The following SMAD7 variants were observed in gnomAD, a reference collection of about 807,000 sequenced individuals.
SMAD7 encodes the protein MAD (mothers against decapentaplegic, Drosophila) homolog 7.
In SMAD7, 8 loss-of-function variants were observed where a neutral mutation model predicts 38.7. The ratio of observed to expected loss-of-function variants is 0.21; its 90% CI spans 0.12 to 0.37. The LOEUF (loss-of-function observed/expected upper bound fraction) is 0.37, where lower values mean the gene tolerates loss of function less well. SMAD7 is among the 10% of genes least tolerant of loss of function. The pLI is 1.00. For missense variants in SMAD7, 477 were observed against 577.9 expected (o/e 0.83, Z 1.79); for synonymous variants, 327 against 265.1 (o/e 1.23, Z -2.27).
In SMAD7 at chr18:48,950,623, C is replaced by T. The variant is rs1186335222; in HGVS notation, c.-199G>A. 4.1e-6 allele frequency: 1 copy of T among 245,810 alleles called. No individual in the cohort carries two copies. The highest frequency in any genetic ancestry group is 1.6e-4 in the South Asian group (1 of 6,400). 15.2% of individuals were successfully genotyped at this position (245,810 alleles called of 1,614,324 possible). On this transcript the variant is annotated 5_prime_UTR_variant, in exon 1 of 4. Coordinates refer to ENST00000262158, the MANE Select transcript of SMAD7 (RefSeq NM_005904.4). ...CCAGTCTCCCGGAGGCCGGGGCGCG[C>T]GCGGGGGCCCGGGGGCGCCCGCCGG...
chr18:48,930,373 C>T (rs2069983354), intron 3 of SMAD7, among the ~76,000 whole-genome samples: 1 of 152,116 alleles, frequency 6.6e-6, no homozygotes, highest in Admixed American at 6.5e-5. Flanking sequence ...CTGGCGGGTC[C>T]TCCCACTCCT....
chr18:48,924,566 T>C (rs1330257891), intron 3 of SMAD7, among the ~76,000 whole-genome samples: 5 of 152,174 alleles, frequency 3.3e-5, no homozygotes, highest in African/African-American at 9.7e-5. Flanking sequence ...GAAAAAGCAT[T>C]TTTCTGCTGA....
intron 3 of SMAD7, among the ~76,000 whole-genome samples, chr18:48,926,291 C>G (rs2069927670): frequency 6.6e-6 from 1 of 152,026 alleles, no homozygotes; most frequent in African/African-American, 2.4e-5. Flanking sequence ...GAGGGGGTCC[C>G]CCAAGATTCC....
chr18:48,927,858 T>A (rs1187192593), intron 3 of SMAD7, among the ~76,000 whole-genome samples: 2 of 152,194 alleles, frequency 1.3e-5, no homozygotes, highest in African/African-American at 4.8e-5. Context: ...GACAACCCTC[T>A]GAGGCTGCAT....
chr18:48,950,162 G>C lies in SMAD7; in HGVS notation c.263C>G (p.Ala88Gly), dbSNP rs1050965436. ...CGTGAGCGCCTTCAGATCCGCCTCGGCGCCCCCGGCCGCGCCGGCGCCCGC... is the reference window on the plus strand; with the variant it reads ...CGTGAGCGCCTTCAGATCCGCCTCGCCGCCCCCGGCCGCGCCGGCGCCCGC... ...PAAGAGAAGGAEADLKALTHS... is the reference protein window; with the variant it reads ...PAAGAGAAGGGEADLKALTHS... Residue 88 changes from alanine (A) to glycine (G), a missense_variant, in exon 1 of 4, where the codon GCC becomes GGC. Around this residue, in one of 2 missense-constraint regions of SMAD7, gnomAD observed 376 missense variants for 379.4 expected, o/e 0.99. Transcript: ENST00000262158. 10 of 1,488,382 alleles carry C rather than the reference G, an allele frequency of 6.7e-6. No individual in the cohort carries two copies. The highest frequency in any genetic ancestry group is 1.3e-5 in the South Asian group (1 of 78,504). The allele number at this position is 1,488,382 out of a possible 1,614,324, so 92.2% of individuals were successfully genotyped here.
chr18:48,921,106 C>G lies in SMAD7; in HGVS notation c.*266G>C, dbSNP rs2069852676. ...TTTGGTGGTGCTTGGATTTCTGCTT[C>G]CCCTCTTCCTATCAGGGTGTCCTGC... On this transcript the variant is annotated 3_prime_UTR_variant, in exon 4 of 4. Transcript: ENST00000262158. This position sits in a 1 kb window ranked among gnomAD's most constrained non-coding sequence, Gnocchi z 6.4. 1 of 480,188 alleles carries G rather than the reference C, an allele frequency of 2.1e-6. No homozygotes were observed. The highest frequency in any genetic ancestry group is 3.8e-5 in the Admixed American group (1 of 26,546). The allele number at this position is 480,188 out of a possible 1,614,324, so 29.7% of individuals were successfully genotyped here.
Position 48,932,636 on chromosome 18 carries a change from C to CG in SMAD7, c.742+9844dup, listed in dbSNP as rs540884168. Among the ~76,000 whole-genome samples, 222 of 152,174 alleles carry CG rather than the reference C, an allele frequency of 1.5e-3. 1 individual carries two copies. Among genetic ancestry groups the CG allele is most frequent in the Non-Finnish European group, 1.9e-3 (129 of 67,994 alleles). Reference sequence around the variant, plus strand: ...GAGCTTGGAAGCCATCGGTTGGCCCCGGGGGAACAGACAGAGAAGGATGAA... The same window carrying CG: ...GAGCTTGGAAGCCATCGGTTGGCCCCGGGGGGAACAGACAGAGAAGGATGAA... On this transcript the variant is annotated intron_variant, in intron 3 of 3. Coordinates refer to ENST00000262158, the MANE Select transcript of SMAD7 (RefSeq NM_005904.4).
chr18:48,942,531 G>A lies in SMAD7; in HGVS notation c.692C>T (p.Ser231Phe). The stretch of plus-strand genomic sequence containing the variant: ...ATTCGTTCCCCCTGTTTCAGCGGAG[G>A]AAGGCACAGCATCTGGACAGTCTGC... The part of the protein sequence containing the change: ...PTADCPDAVP[S>F]SAETGGTNYL... Residue 231 changes from serine to phenylalanine, a missense_variant, in exon 3 of 4, where the codon TCC becomes TTC. This residue lies in a region of SMAD7 where 376 missense variants were observed against 379.4 expected (regional missense o/e 0.99). Transcript: ENST00000262158. 6.2e-7 allele frequency: 1 copy of A among 1,610,684 alleles called. No homozygotes were observed. The highest frequency in any genetic ancestry group is 8.5e-7 in the Non-Finnish European group (1 of 1,178,608).
chr18:48,940,759 G>A (rs1020778351), intron 3 of SMAD7, among the ~76,000 whole-genome samples: 6 of 148,588 alleles, frequency 4.0e-5, no homozygotes, highest in Middle Eastern at 3.8e-3. Context: ...TGTGTGAGCC[G>A]AAATCGCGCC....
chr18:48,942,667 G>A (rs2070155375), intron 2 of SMAD7, 112 bp from the exon 3 acceptor site: 1 of 1,583,176 alleles, frequency 6.3e-7, no homozygotes, highest in Non-Finnish European at 8.5e-7. Context: ...ATTCCAAAAG[G>A]CTGACTCGCG....
rs762235293 is a variant in SMAD7, at chr18:48,921,810, C to A, written c.843G>T (p.Glu281Asp). The change falls in exon 4 of 4, where the codon GAG becomes GAT. Residue 281 changes from glutamate to aspartate, a missense_variant. Glu to Asp is a conservative substitution (Grantham distance 45). This residue lies in a region of SMAD7 where 101 missense variants were observed against 198.5 expected (regional missense o/e 0.51). Coordinates refer to ENST00000262158, the MANE Select transcript of SMAD7 (RefSeq NM_005904.4). This position sits in a 1 kb window ranked among gnomAD's most constrained non-coding sequence, Gnocchi z 6.4. ...GATCATAGAAGATATCCAGAGAGGG[C>A]TCCTGGACACAGTAGAGCCTCCCCA... ...TRVGRLYCVQ[E>D]PSLDIFYDLP... 1.9e-6 allele frequency: 3 copies of A among 1,613,902 alleles called. No individual in the cohort carries two copies. Among genetic ancestry groups the A allele is most frequent in the Admixed American group, 3.3e-5 (2 of 60,036 alleles).
intron 3 of SMAD7, among the ~76,000 whole-genome samples, chr18:48,934,611 A>C (rs1038400231): frequency 1.4e-4 from 21 of 152,258 alleles, no homozygotes; most frequent in African/African-American, 4.3e-4. Flanking sequence ...AAAGTCATGA[A>C]AGATTCTTTA....
At chr18:48,937,264 A>ATATGTGTGTG (rs547137464) in intron 3 of SMAD7, among the ~76,000 whole-genome samples, 21 of 119,776 alleles carry the variant, frequency 1.8e-4, no homozygotes, top group Admixed American at 1.5e-3. Flanking sequence ...AAGTAAAGGC[A>ATATGTGTGTG]TGTGTGTGTG....
chr18:48,921,258 A>G lies in SMAD7; in HGVS notation c.*114T>C. On this transcript the variant is annotated 3_prime_UTR_variant, in exon 4 of 4. Transcript: ENST00000262158. This position sits in a 1 kb window ranked among gnomAD's most constrained non-coding sequence, Gnocchi z 6.4. ...GAAGAAAACCAACCAACAAACAAAA[A>G]AAAAACGACCAAAGAGTTTGCATGA... 1.0e-6 allele frequency: 1 copy of G among 993,904 alleles called. No homozygotes were observed. The highest frequency in any genetic ancestry group is 1.5e-6 in the Non-Finnish European group (1 of 681,358). The allele number at this position is 993,904 out of a possible 1,614,324, so 61.6% of individuals were successfully genotyped here. A position where few individuals can be genotyped will look rare whatever the true frequency, so the allele number is the denominator to read the frequency against.
At chr18:48,923,169 C>A (rs1211021804) in intron 3 of SMAD7, among the ~76,000 whole-genome samples, 1 of 152,190 alleles carries the variant, frequency 6.6e-6, no homozygotes, top group African/African-American at 2.4e-5. Context: ...AGGGGAAGGG[C>A]CCCACGTCGG....
intron 3 of SMAD7, among the ~76,000 whole-genome samples, chr18:48,939,331 G>A (rs1022138685): frequency 1.3e-5 from 2 of 152,044 alleles, no homozygotes; most frequent in African/African-American, 4.8e-5. Flanking sequence ...AGGGTGGGGT[G>A]TGTTTCACTG....
intron 3 of SMAD7, among the ~76,000 whole-genome samples, chr18:48,930,977 A>C (rs1219818015): frequency 6.6e-6 from 1 of 152,238 alleles, no homozygotes; most frequent in Admixed American, 6.5e-5. Context: ...AATATTATTC[A>C]GCCTTAAAAA....
chr18:48,927,447 C>T (rs2069942362), intron 3 of SMAD7, among the ~76,000 whole-genome samples: 1 of 152,170 alleles, frequency 6.6e-6, no homozygotes, highest in African/African-American at 2.4e-5. Flanking sequence ...GCTTCGTTTC[C>T]ACCCCTTAGC....
intron 3 of SMAD7, among the ~76,000 whole-genome samples, chr18:48,922,276 C>T (rs200670012): frequency 6.6e-6 from 1 of 152,186 alleles, no homozygotes; most frequent in Non-Finnish European, 1.5e-5. Context: ...AAAGCCTCAG[C>T]AACGTCCTGG....
Sources: gnomAD v4.1 joint callset for allele counts (sites outside exome capture counted in the v4.1 genomes callset) on GRCh38, gnomAD v4.1.1 for gene constraint, gnomAD v4.1.1 regional missense constraint, Gnocchi (gnomAD v3.1) non-coding constraint, MANE v1.5 for transcripts, NCBI Gene and HGNC (gene_info 2026-07-23, HGNC 2026-07-21) for gene names.